The following MDFIC2 variants were observed in gnomAD, a reference collection of about 807,000 sequenced individuals.
The protein encoded by MDFIC2 is MyoD family inhibitor domain containing 2.
chr3:70,275,664 T>C (rs1403083), intron 2 of MDFIC2, among the ~76,000 whole-genome samples: 105,919 of 152,170 alleles, frequency 0.7, 39,012 homozygotes, highest in Non-Finnish European at 0.83. Context: ...CCTCAGCTTC[T>C]TCATCTGTTC....
chr3:70,282,912 A>G (rs1157505249), intron 2 of MDFIC2, among the ~76,000 whole-genome samples: 1 of 152,184 alleles, frequency 6.6e-6, no homozygotes, highest in Non-Finnish European at 1.5e-5. Flanking sequence ...CCAGGATGAA[A>G]TAGTAAAAGG....
chr3:70,203,268 T>C (rs1296561860), intron 3 of MDFIC2, among the ~76,000 whole-genome samples: 1 of 152,110 alleles, frequency 6.6e-6, no homozygotes, highest in Non-Finnish European at 1.5e-5. Flanking sequence ...CATAATGAGA[T>C]TCATGACACA....
Position 70,197,017 on chromosome 3 carries a change from C to T in MDFIC2, c.479G>A (p.Cys160Tyr), listed in dbSNP as rs1701188081. 1 of 398,452 alleles carries T rather than the reference C, an allele frequency of 2.5e-6. No individual in the cohort carries two copies. The highest frequency in any genetic ancestry group is 4.4e-5 in the Admixed American group (1 of 22,708). The allele number at this position is 398,452 out of a possible 1,614,324, so 24.7% of individuals were successfully genotyped here. ...TTCAAAAAGGCTGCAGTCCATGTCA[C>T]AATTGCAGCTGCAATCATTCCGAGA... ...NHSRNDCSCN[C>Y]DMDCSLFESC... The change falls in exon 4 of 4, where the codon TGT (cysteine) becomes TAT (tyrosine). Residue 160 changes from cysteine to tyrosine, a missense_variant. Coordinates refer to ENST00000567252, the MANE Select transcript of MDFIC2 (RefSeq NM_001364677.1).
chr3:70,311,779 C>T (rs1702455659), intron 2 of MDFIC2, 107 bp downstream of exon 2: 2 of 388,996 alleles, frequency 5.1e-6, no homozygotes, highest in Non-Finnish European at 9.1e-6. Context: ...AGAAGTACTA[C>T]TATTTGAACG....
chr3:70,264,751 C>T (rs1701899905), intron 2 of MDFIC2, among the ~76,000 whole-genome samples: 1 of 152,144 alleles, frequency 6.6e-6, no homozygotes, highest in South Asian at 2.1e-4. Flanking sequence ...GGAATAATAG[C>T]AGTGTGATGA....
At chr3:70,303,421 G>A (rs1046631969) in intron 2 of MDFIC2, among the ~76,000 whole-genome samples, 4 of 152,148 alleles carry the variant, frequency 2.6e-5, no homozygotes, top group Middle Eastern at 3.4e-3. Context: ...AAAATTATGC[G>A]GAGCTAATTA....
intron 2 of MDFIC2, among the ~76,000 whole-genome samples, chr3:70,229,467 G>A (rs1701538989): frequency 6.6e-6 from 1 of 152,148 alleles, no homozygotes; most frequent in South Asian, 2.1e-4. Context: ...AGCAGAACTT[G>A]CTTCCTTTTT....
intron 2 of MDFIC2, among the ~76,000 whole-genome samples, chr3:70,227,904 T>C (rs1182806633): frequency 1.3e-5 from 2 of 152,132 alleles, no homozygotes; most frequent in Non-Finnish European, 2.9e-5. Flanking sequence ...GCATGAGCTT[T>C]TAACTACCAT....
intron 2 of MDFIC2, among the ~76,000 whole-genome samples, chr3:70,256,499 A>G (rs1316622369): frequency 3.9e-5 from 6 of 152,216 alleles, no homozygotes; most frequent in Admixed American, 3.9e-4. Context: ...CATTTAGTTC[A>G]TTTAGTTCTT....
intron 2 of MDFIC2, among the ~76,000 whole-genome samples, chr3:70,294,767 T>C (rs1702274129): frequency 6.6e-6 from 1 of 152,160 alleles, no homozygotes; most frequent in Admixed American, 6.5e-5. Context: ...TTCCATGTCA[T>C]TTTAGGTTAG....
intron 2 of MDFIC2, among the ~76,000 whole-genome samples, chr3:70,270,083 G>T (rs1481806877): frequency 6.6e-6 from 1 of 152,104 alleles, no homozygotes; most frequent in Non-Finnish European, 1.5e-5. Flanking sequence ...AAAATACAAT[G>T]TTCTAAGAAA....
At chr3:70,306,395 G>A (rs1371374677) in intron 2 of MDFIC2, among the ~76,000 whole-genome samples, 3 of 152,156 alleles carry the variant, frequency 2.0e-5, no homozygotes, top group East Asian at 1.9e-4. Context: ...ATAGGCATGA[G>A]CTACCTCACC....
chr3:70,290,486 G>C (rs1056298266), intron 2 of MDFIC2, among the ~76,000 whole-genome samples: 1 of 152,186 alleles, frequency 6.6e-6, no homozygotes, highest in Non-Finnish European at 1.5e-5. Flanking sequence ...GGACATTTAA[G>C]TCTGCAGAGG....
chr3:70,197,697 T>C (rs1382896879), intron 3 of MDFIC2, among the ~76,000 whole-genome samples: 2 of 152,254 alleles, frequency 1.3e-5, no homozygotes, highest in Non-Finnish European at 2.9e-5. Flanking sequence ...GAAAAGCACA[T>C]TTCAAAACTT....
chr3:70,278,965 T>TCA (rs1282011791), intron 2 of MDFIC2, among the ~76,000 whole-genome samples: 2 of 151,472 alleles, frequency 1.3e-5, no homozygotes, highest in African/African-American at 2.4e-5. Flanking sequence ...GTCTGGGTGG[T>TCA]CAAGGAAAAC....
chr3:70,290,587 C>T (rs561515777), intron 2 of MDFIC2, among the ~76,000 whole-genome samples: 2 of 152,346 alleles, frequency 1.3e-5, no homozygotes, highest in South Asian at 4.1e-4. Context: ...GTGGGCTCCA[C>T]CCAGTTCGAG....
rs115614525 is a variant in MDFIC2, at chr3:70,312,306, T to A, written c.-1+245A>T. Among the ~76,000 whole-genome samples, 564 of 152,324 alleles carry A rather than the reference T, an allele frequency of 3.7e-3. 8 individuals carry two copies. Among genetic ancestry groups the A allele is most frequent in the African/African-American group, 0.013 (546 of 41,582 alleles). ...AAACATTCAGTAGCTGTTTTAGTAT[T>A]TTCTATAGCCTATAGAAAAGCATGC... On this transcript the variant is annotated intron_variant, in intron 1 of 3. Transcript: ENST00000567252.
chr3:70,257,008 T>A (rs1283448804), intron 2 of MDFIC2, among the ~76,000 whole-genome samples: 1 of 152,034 alleles, frequency 6.6e-6, no homozygotes, highest in Admixed American at 6.6e-5. Flanking sequence ...GCAAGTCCAG[T>A]GGTGGAGAGA....
chr3:70,291,432 A>T (rs901055067), intron 2 of MDFIC2, among the ~76,000 whole-genome samples: 1 of 152,192 alleles, frequency 6.6e-6, no homozygotes, highest in Non-Finnish European at 1.5e-5. Context: ...AAGTAGAGCT[A>T]TTAGCTACCT....
Sources: allele counts gnomAD v4.1 joint callset (sites outside exome capture counted in the v4.1 genomes callset), GRCh38; gene constraint gnomAD v4.1.1; transcripts MANE v1.5; gene names NCBI Gene and HGNC (gene_info 2026-07-23, HGNC 2026-07-21).